The following ZNF121 variants were observed in gnomAD, a reference collection of about 807,000 sequenced individuals.
The protein encoded by ZNF121 is zinc finger protein 121 (clone ZHC32).
In ZNF121, 1 loss-of-function variant was observed where a neutral mutation model predicts 2.4. The ratio of observed to expected loss-of-function variants is 0.41; its 90% CI spans 0.15 to 1.94. The LOEUF is 1.94. Ranked by LOEUF, ZNF121 falls within the 30% of genes most tolerant of loss-of-function variation. The pLI is 0.30. For missense variants in ZNF121, 369 were observed against 466.3 expected (o/e 0.79, Z 1.92); for synonymous variants, 173 against 158.6 (o/e 1.09, Z -0.68).
chr19:9,569,725 G>A (rs1463046010), intron 1 of ZNF121, among the ~76,000 whole-genome samples: 1 of 151,200 alleles, frequency 6.6e-6, no homozygotes, highest in African/African-American at 2.4e-5. Flanking sequence ...TAGAGACAGG[G>A]TTTCACCACA....
In ZNF121 at chr19:9,564,532, A is replaced by G. The variant is rs1330663947; in HGVS notation, c.*1408T>C. 1.3e-5 allele frequency: 2 copies of G among 152,206 alleles called. No homozygotes were observed. The highest frequency in any genetic ancestry group is 2.9e-5 in the Non-Finnish European group (2 of 68,054). The allele number at this position is 152,206 out of a possible 1,614,324, so 9.4% of individuals were successfully genotyped here. A position where few individuals can be genotyped will look rare whatever the true frequency, so the allele number is the denominator to read the frequency against. On this transcript the variant is annotated 3_prime_UTR_variant, in exon 4 of 4. Transcript: ENST00000320451. ...ATGGAAAAAAGAGAACTAGAATTAG[A>G]AGTGGAGCCTGAAGATGTGACAGAA...
chr19:9,565,296 T>C lies in ZNF121; in HGVS notation c.*644A>G, dbSNP rs751011682. 7 of 142,102 alleles carry C rather than the reference T, an allele frequency of 4.9e-5. No individual in the cohort carries two copies. Among genetic ancestry groups the C allele is most frequent in the Non-Finnish European group, 7.5e-5 (5 of 66,726 alleles). 8.8% of individuals were successfully genotyped at this position (142,102 alleles called of 1,614,324 possible). A position where few individuals can be genotyped will look rare whatever the true frequency, so the allele number is the denominator to read the frequency against. On this transcript the variant is annotated 3_prime_UTR_variant, in exon 4 of 4. Transcript: ENST00000320451. ...GGCCCCATGGTGAGTTCTCAAATGT[T>C]GGATTGTGACCACAATCCAATCCCT...
chr19:9,584,246 C>G (rs1449581795), intron 1 of ZNF121: 1 of 152,240 alleles, frequency 6.6e-6, no homozygotes. Context: ...CTCCAGAAAA[C>G]GCGCGGAGTC....
At chr19:9,570,558 GT>G (rs1159404061) in intron 1 of ZNF121, among the ~76,000 whole-genome samples, 7 of 151,918 alleles carry the variant, frequency 4.6e-5, no homozygotes, top group Admixed American at 4.6e-4. Flanking sequence ...AGTTCCCTGG[GT>G]TTTTTTGTTT....
rs1009761283 is a variant in ZNF121 at position 9,570,751 on chromosome 19, G to T, written c.-159-1669C>A. On this transcript the variant is annotated intron_variant, in intron 1 of 3. Transcript: ENST00000320451. Reference sequence around the variant, plus strand: ...TTGGCTAATTTTTTGCGAGGGGGGGGGGTATTTTTAGTACAGACGGGGTTT... The same window carrying T: ...TTGGCTAATTTTTTGCGAGGGGGGGTGGTATTTTTAGTACAGACGGGGTTT... Among the ~76,000 whole-genome samples, 30 of 151,746 alleles carry T rather than the reference G, an allele frequency of 2.0e-4. No individual in the cohort carries two copies. The East Asian group carries it at 4.3e-3, about 22-fold the overall frequency.
intron 1 of ZNF121, 86 bp from the exon 2 acceptor site, chr19:9,569,168 A>G (rs2074155750): frequency 6.6e-6 from 1 of 152,352 alleles, no homozygotes; most frequent in African/African-American, 2.4e-5. Context: ...TATATTCCTA[A>G]AGAGAGTAGT....
intron 1 of ZNF121, among the ~76,000 whole-genome samples, chr19:9,581,340 C>T (rs574911072): frequency 4.0e-5 from 6 of 151,824 alleles, no homozygotes; most frequent in Admixed American, 2.6e-4. Flanking sequence ...GGGGTCAGGT[C>T]GTACAATCTA....
Position 9,561,112 on chromosome 19 carries a change from GGTCAT to G in ZNF121, c.*4823_*4827del, listed in dbSNP as rs960767747. On this transcript the variant is annotated 3_prime_UTR_variant, in exon 4 of 4. Coordinates refer to ENST00000320451, the MANE Select transcript of ZNF121 (RefSeq NM_001008727.5). ...AGTGGAATTAAAAGTGTTGGCTTGT[GGTCAT>G]GTTTTTAATATAGAAATAGAGTTAT... 2.6e-5 allele frequency: 4 copies of G among 152,092 alleles called. No homozygotes were observed. Among genetic ancestry groups the G allele is most frequent in the Non-Finnish European group, 5.9e-5 (4 of 68,002 alleles). 9.4% of individuals were successfully genotyped at this position (152,092 alleles called of 1,614,324 possible). A position where few individuals can be genotyped will look rare whatever the true frequency, so the allele number is the denominator to read the frequency against.
At chr19:9,568,232 T>A (rs2074148265) in intron 2 of ZNF121, 57 bp from the exon 3 acceptor site, 1 of 774,952 alleles carries the variant, frequency 1.3e-6, no homozygotes. Flanking sequence ...AAACAGTAGG[T>A]TAAATAAGTC....
At chr19:9,581,500 G>A (rs1409826452) in intron 1 of ZNF121, among the ~76,000 whole-genome samples, 1 of 152,080 alleles carries the variant, frequency 6.6e-6, no homozygotes, top group Non-Finnish European at 1.5e-5. Flanking sequence ...TACTGATAAC[G>A]CTTTGTACTG....
At position 9,565,353 on chromosome 19, in the gene ZNF121, CAAAAAAAAAAAA is replaced by C. The variant is rs71185609; in HGVS notation, c.*575_*586del. 483 of 29,786 alleles carry C rather than the reference CAAAAAAAAAAAA, an allele frequency of 0.016. 4 individuals are homozygous for C. The highest frequency in any genetic ancestry group is 0.042 in the African/African-American group (435 of 10,468). 1.8% of individuals were successfully genotyped at this position (29,786 alleles called of 1,614,324 possible). Reference sequence around the variant, plus strand: ...AAGAATGTGTATTAACAACGACTTACAAAAAAAAAAAAAAAAAAAAAAAAAAAAAAAAAAGGC... The same window carrying C: ...AAGAATGTGTATTAACAACGACTTACAAAAAAAAAAAAAAAAAAAAAAGGC... On this transcript the variant is annotated 3_prime_UTR_variant, in exon 4 of 4. Transcript: ENST00000320451.
rs1220749501 is a variant in ZNF121 at position 9,567,064 on chromosome 19, C to T, written c.49G>A (p.Gly17Arg). The change falls in exon 4 of 4, where the codon GGA becomes AGA. Residue 17 changes from glycine to arginine, a missense_variant. Physicochemically the swap from Gly to Arg is moderately radical, Grantham distance 125. Coordinates refer to ENST00000320451, the MANE Select transcript of ZNF121 (RefSeq NM_001008727.5). ...CATGAGTGTTCACTGAAGATTTCTC[C>T]ATTTTCCATAAAGTCACAGAGTTCC... ...GGELCDFMEN[G>R]EIFSEHSCLN... 3.7e-6 allele frequency: 6 copies of T among 1,613,768 alleles called. No homozygotes were observed. The African/African-American group carries it at 6.7e-5, about 18-fold the overall frequency.
chr19:9,562,352 G>A lies in ZNF121; in HGVS notation c.*3588C>T. On this transcript the variant is annotated 3_prime_UTR_variant, in exon 4 of 4. Coordinates refer to ENST00000320451, the MANE Select transcript of ZNF121 (RefSeq NM_001008727.5). ...GCTAATTTTTTGTATTTTTAGTAGA[G>A]ACGGGGTTTCACCATGGTGGCCAGG... The A allele has an allele frequency of 5.4e-6, 1 of 183,574 alleles. No individual in the cohort carries two copies. The highest frequency in any genetic ancestry group is 7.2e-5 in the South Asian group (1 of 13,850). 11.4% of individuals were successfully genotyped at this position (183,574 alleles called of 1,614,324 possible). A position where few individuals can be genotyped will look rare whatever the true frequency, so the allele number is the denominator to read the frequency against.
chr19:9,579,607 A>G (rs2074234982), intron 1 of ZNF121, among the ~76,000 whole-genome samples: 1 of 152,182 alleles, frequency 6.6e-6, no homozygotes, highest in Non-Finnish European at 1.5e-5. Context: ...GGTGGAGGTT[A>G]CAGTGAGCCG....
rs144655023 is a variant in ZNF121, at chr19:9,566,752, A to G, written c.361T>C (p.Cys121Arg). ...GTGGAGTAAGTAAAAGCTCTCCCAC[A>G]TTGCTTCTGTTCATAGAGTGTTTCT... is the stretch of plus-strand genomic sequence containing the variant. ...NGETLYEQKQ[C>R]GRAFTYSTSH... is the part of the protein sequence containing the mutation. The change falls in exon 4 of 4, where the codon TGT becomes CGT. Residue 121 changes from cysteine (C) to arginine (R), a missense_variant. Transcript: ENST00000320451. 425 of 1,614,072 alleles carry G rather than the reference A, an allele frequency of 2.6e-4. No homozygotes were observed. The highest frequency in any genetic ancestry group is 9.0e-4 in the Admixed American group (54 of 60,006).
chr19:9,572,867 C>A (rs945970068), intron 1 of ZNF121, among the ~76,000 whole-genome samples: 1 of 152,026 alleles, frequency 6.6e-6, no homozygotes, highest in Non-Finnish European at 1.5e-5. Flanking sequence ...CTAAAAAGTA[C>A]AAAAAGTAGC....
rs1455393309 is a variant in ZNF121, at chr19:9,563,117, A to G, written c.*2823T>C. 6.6e-6 allele frequency: 1 copy of G among 151,882 alleles called. No individual in the cohort carries two copies. Among genetic ancestry groups the G allele is most frequent in the Admixed American group, 6.6e-5 (1 of 15,232 alleles). The allele number at this position is 151,882 out of a possible 1,614,324, so 9.4% of individuals were successfully genotyped here. A position where few individuals can be genotyped will look rare whatever the true frequency, so the allele number is the denominator to read the frequency against. On this transcript the variant is annotated 3_prime_UTR_variant, in exon 4 of 4. Coordinates refer to ENST00000320451, the MANE Select transcript of ZNF121 (RefSeq NM_001008727.5). Reference sequence around the variant, plus strand: ...CTAGGCCTCTTGTGCCAGTTAGCCAAGTTGTGAATGTAAAGTTCTTGAAGG... The same window carrying G: ...CTAGGCCTCTTGTGCCAGTTAGCCAGGTTGTGAATGTAAAGTTCTTGAAGG...
Position 9,566,911 on chromosome 19 carries a change from T to C in ZNF121, c.202A>G (p.Arg68Gly). 2 of 1,614,218 alleles carry C rather than the reference T, an allele frequency of 1.2e-6. No homozygotes were observed. The highest frequency in any genetic ancestry group is 1.7e-6 in the Non-Finnish European group (2 of 1,180,030). ...TTTGGTGGCAGGCTGAAGGCTTTTC[T>C]GCACTGATTCAACACAGAAAGTGTC... ...GETLSVLNQC[R>G]KAFSLPPNVH... The change falls in exon 4 of 4, where the codon AGA (arginine) becomes GGA (glycine). Residue 68 changes from arginine (R) to glycine (G), a missense_variant. This residue lies in a region of ZNF121 where 168 missense variants were observed against 162.3 expected (regional missense o/e 1.03). Transcript: ENST00000320451.
chr19:9,583,004 G>A (rs534731700), intron 1 of ZNF121, among the ~76,000 whole-genome samples: 16 of 148,386 alleles, frequency 1.1e-4, no homozygotes, highest in African/African-American at 3.5e-4. Context: ...ACAAGGTCAG[G>A]AGTTCGAGAC....
Sources: allele counts gnomAD v4.1 joint callset (sites outside exome capture counted in the v4.1 genomes callset), GRCh38; gene constraint gnomAD v4.1.1; regional missense constraint gnomAD v4.1.1; transcripts MANE v1.5; gene names NCBI Gene and HGNC (gene_info 2026-07-23, HGNC 2026-07-21).